Variants in NAV2 observed in about 807,000 individuals in gnomAD.
The protein encoded by NAV2 is neuron navigator 2, also known as helicase, APC down-regulated 1.
Under a neutral mutation model 223.2 loss-of-function variants are expected in NAV2, and 54 were observed. The observed-to-expected ratio is 0.24, with a 90% CI of 0.19 to 0.30. The LOEUF is 0.30. Among genes scored for constraint, NAV2 ranks in the 10% least tolerant of loss-of-function variants. NAV2 has a pLI of 1.00. For synonymous variants in NAV2, 1,279 were observed against 1,239.3 expected (o/e 1.03, Z -0.67); for missense variants, 2,806 against 3,147.5 (o/e 0.89, Z 2.60).
chr11:19,741,731 C>T (rs1442269390), intron 1 of NAV2, among the ~76,000 whole-genome samples: 1 of 132,296 alleles, frequency 7.6e-6, no homozygotes, highest in Non-Finnish European at 1.5e-5. Flanking sequence ...ATATATATCA[C>T]AATTTATTTA....
At chr11:19,675,390 C>T (rs2081598376) in intron 1 of NAV2, among the ~76,000 whole-genome samples, 2 of 152,140 alleles carry the variant, frequency 1.3e-5, no homozygotes, top group Non-Finnish European at 1.5e-5. Context: ...TCCTGCCCAC[C>T]AGGACACATA....
chr11:19,670,479 C>G (rs141143591), intron 1 of NAV2, among the ~76,000 whole-genome samples: 1 of 152,194 alleles, frequency 6.6e-6, no homozygotes, highest in Non-Finnish European at 1.5e-5. Flanking sequence ...CAGGGAACCC[C>G]GCGGAGAGGG....
intron 1 of NAV2, chr11:19,506,824 G>A (rs2043136489): frequency 6.6e-6 from 1 of 152,154 alleles, no homozygotes; most frequent in South Asian, 2.1e-4. Flanking sequence ...CACAAAACTG[G>A]CTATATAATT....
chr11:20,093,681 G>T (rs1441402069), intron 29 of NAV2, among the ~76,000 whole-genome samples: 1 of 152,134 alleles, frequency 6.6e-6, no homozygotes, highest in Non-Finnish European at 1.5e-5. Flanking sequence ...CATGCAGGTG[G>T]CTGAAAATAG....
intron 27 of NAV2, among the ~76,000 whole-genome samples, chr11:20,091,236 T>C (rs1250468477): frequency 2.0e-5 from 3 of 152,210 alleles, no homozygotes; most frequent in Non-Finnish European, 4.4e-5. Context: ...ATACTTTTGG[T>C]GACTCCCCTG....
intron 19 of NAV2, among the ~76,000 whole-genome samples, chr11:20,060,163 G>A (rs1303384494): frequency 1.3e-5 from 2 of 152,238 alleles, no homozygotes; most frequent in African/African-American, 4.8e-5. Flanking sequence ...GTATGTATAT[G>A]AGATGTAGAA....
chr11:19,959,627 A>G (rs1468799465), intron 10 of NAV2, among the ~76,000 whole-genome samples: 5 of 152,188 alleles, frequency 3.3e-5, no homozygotes, highest in Non-Finnish European at 5.9e-5. Context: ...ATTCAATCTG[A>G]TATAACCAAA....
In NAV2 at chr11:20,045,524, G is replaced by C; in HGVS notation, c.3756G>C (p.Glu1252Asp). ...LPGLVNQTDK[E>D]KGISSDNESV... ...GTCTGGTCAACCAAACAGACAAGGA[G>C]AAAGGCATCTCATCAGACAACGAGA... is the stretch of plus-strand genomic sequence containing the variant. Residue 1252 changes from glutamate (E) to aspartate (D), a missense_variant, in exon 14 of 38, where the codon GAG (glutamate) becomes GAC (aspartate). Coordinates refer to ENST00000349880, the MANE Select transcript of NAV2 (RefSeq NM_145117.5). The C allele has an allele frequency of 6.2e-7, 1 of 1,614,154 alleles. No individual in the cohort carries two copies.
intron 1 of NAV2, among the ~76,000 whole-genome samples, chr11:19,660,604 G>A (rs1022620309): frequency 8.5e-5 from 13 of 152,186 alleles, no homozygotes; most frequent in Non-Finnish European, 1.9e-4. Context: ...TCTGGTTTCA[G>A]ACACCTAGAC....
chr11:19,781,957 T>G (rs2056784583), intron 1 of NAV2, among the ~76,000 whole-genome samples: 1 of 152,176 alleles, frequency 6.6e-6, no homozygotes. Flanking sequence ...CAACTTCCGT[T>G]TTTTTTCCTG....
chr11:19,927,717 AAAAAC>A (rs1423021395), intron 6 of NAV2, among the ~76,000 whole-genome samples: 46 of 148,724 alleles, frequency 3.1e-4, no homozygotes, highest in African/African-American at 1.1e-3. Context: ...ACAAAACAAA[AAAAAC>A]CTGTTTAAGG....
chr11:19,935,782 A>C (rs993340178), intron 7 of NAV2, among the ~76,000 whole-genome samples: 1 of 150,234 alleles, frequency 6.7e-6, no homozygotes, highest in African/African-American at 2.4e-5. Context: ...CACAATCCTG[A>C]GAGAGCACCA....
chr11:19,765,422 TCTC>T (rs1441579814), intron 1 of NAV2, among the ~76,000 whole-genome samples: 1 of 136,464 alleles, frequency 7.3e-6, no homozygotes, highest in South Asian at 2.6e-4. Flanking sequence ...TCTCTCCCTC[TCTC>T]CTCCTCCTCC....
intron 36 of NAV2, among the ~76,000 whole-genome samples, chr11:20,114,112 A>AT: frequency 6.6e-6 from 1 of 152,318 alleles, no homozygotes; most frequent in East Asian, 1.9e-4. Context: ...CTTTGGGTAG[A>AT]TGCACCAAAT....
intron 1 of NAV2, among the ~76,000 whole-genome samples, chr11:19,484,276 C>G (rs953078469): frequency 6.6e-6 from 1 of 152,170 alleles, no homozygotes; most frequent in Non-Finnish European, 1.5e-5. Context: ...ACTTTGGGGT[C>G]GGTGACCTCT....
intron 1 of NAV2, among the ~76,000 whole-genome samples, chr11:19,475,729 C>T (rs1480579914): frequency 6.6e-6 from 1 of 152,104 alleles, no homozygotes; most frequent in Non-Finnish European, 1.5e-5. Flanking sequence ...GAAAATGTCC[C>T]ACAGAGAAAA....
At chr11:19,994,375 C>T (rs1009119169) in intron 11 of NAV2, among the ~76,000 whole-genome samples, 14 of 152,034 alleles carry the variant, frequency 9.2e-5, no homozygotes, top group Non-Finnish European at 2.9e-5. Context: ...GGCAAAACCC[C>T]GTCTCTACTA....
chr11:19,777,754 C>A (rs2056383315), intron 1 of NAV2: 1 of 423,866 alleles, frequency 2.4e-6, no homozygotes. Context: ...GGGGGTGGGA[C>A]TGGGCTGCAT....
At chr11:19,400,938 T>G (rs1849658727) in intron 1 of NAV2, among the ~76,000 whole-genome samples, 1 of 130,210 alleles carries the variant, frequency 7.7e-6, no homozygotes, top group South Asian at 2.9e-4. Flanking sequence ...GAGCCGGGAG[T>G]CTTGTCTTCT....
Sources: allele counts gnomAD v4.1 joint callset (sites outside exome capture counted in the v4.1 genomes callset), GRCh38; gene constraint gnomAD v4.1.1; transcripts MANE v1.5; gene names NCBI Gene and HGNC (gene_info 2026-07-23, HGNC 2026-07-21).